Variants in RAB4A observed in about 807,000 individuals in gnomAD.
RAB4A encodes RAB4A, member RAS oncogene family, also known as ras-related protein Rab-4A.
In RAB4A, 20 loss-of-function variants were observed where a neutral mutation model predicts 34.5. The ratio of observed to expected loss-of-function variants is 0.58; its 90% CI spans 0.41 to 0.84. The LOEUF is 0.84. Ranked by LOEUF, RAB4A falls within the 40% of genes least tolerant of loss-of-function variation. The probability of loss-of-function intolerance (pLI) is 0.00; values close to 1 mark genes in which losing one functional copy is unlikely to be tolerated. For missense variants in RAB4A, 228 were observed against 274.5 expected, an observed-to-expected ratio of 0.83 and a Z score of 1.20; for synonymous variants, 102 against 100.0, an observed-to-expected ratio of 1.02 and a Z score of -0.12.
At chr1:229,291,546 T>G (rs573098817) in intron 3 of RAB4A, among the ~76,000 whole-genome samples, 55 of 152,272 alleles carry the variant, frequency 3.6e-4, no homozygotes, top group African/African-American at 1.3e-3. Flanking sequence ...TCCTAAACCT[T>G]TTGTAGAAAT....
At position 229,271,115 on chromosome 1, in the gene RAB4A, T is replaced by A. The variant is rs930992642; in HGVS notation, c.-225T>A. On this transcript the variant is annotated 5_prime_UTR_variant, in exon 1 of 8. Coordinates refer to ENST00000366690, the MANE Select transcript of RAB4A (RefSeq NM_004578.4). ...GGGCCTCGCGTAGCCCATCTCCTCT[T>A]CCTCCTCGCGGTCGCGGCCGGACGG... The A allele has an allele frequency of 2.0e-5, 7 of 356,272 alleles. No homozygotes were observed. The highest frequency in any genetic ancestry group is 3.5e-5 in the Non-Finnish European group (7 of 202,394). The allele number at this position is 356,272 out of a possible 1,614,324, so 22.1% of individuals were successfully genotyped here. A position where few individuals can be genotyped will look rare whatever the true frequency, so the allele number is the denominator to read the frequency against.
chr1:229,285,045 C>T (rs1656886843), intron 1 of RAB4A, among the ~76,000 whole-genome samples: 1 of 152,198 alleles, frequency 6.6e-6, no homozygotes, highest in African/African-American at 2.4e-5. Flanking sequence ...TGCTCTGTCA[C>T]CCAAGCTGGG....
intron 6 of RAB4A, among the ~76,000 whole-genome samples, chr1:229,300,037 C>T (rs912495455): frequency 5.3e-5 from 8 of 152,166 alleles, no homozygotes; most frequent in Admixed American, 1.3e-4. Context: ...CAGTCCTCAT[C>T]AAGGATCTAG....
Position 229,303,928 on chromosome 1 carries a change from G to A in RAB4A, c.*135G>A, listed in dbSNP as rs1657482913. ...CTTTATGGGGAAAAGAGAATTTGGG[G>A]TGTTCTGCAAGCCAGTCAAAGTGGC... On this transcript the variant is annotated 3_prime_UTR_variant, in exon 8 of 8. Transcript: ENST00000366690. The A allele has an allele frequency of 6.6e-6, 1 of 152,172 alleles. No individual in the cohort carries two copies. 9.4% of individuals were successfully genotyped at this position (152,172 alleles called of 1,614,324 possible).
In RAB4A at chr1:229,271,236, C is replaced by T. The variant is rs1656458636; in HGVS notation, c.-104C>T. 8.6e-7 allele frequency: 1 copy of T among 1,166,898 alleles called. No homozygotes were observed. Among genetic ancestry groups the T allele is most frequent in the Non-Finnish European group, 1.1e-6 (1 of 921,206 alleles). The allele number at this position is 1,166,898 out of a possible 1,614,324, so 72.3% of individuals were successfully genotyped here. ...TGCCGTGGGGACCGGTCGGGCCCCT[C>T]CCTCCTCCGGTCCCCCGCCCCAGGT... On this transcript the variant is annotated 5_prime_UTR_variant, in exon 1 of 8. Transcript: ENST00000366690.
Position 229,299,024 on chromosome 1 carries a change from G to A in RAB4A, c.493G>A (p.Glu165Lys), listed in dbSNP as rs1657313661. The change falls in exon 6 of 8, where the codon GAG becomes AAG. Residue 165 changes from glutamate to lysine, a missense_variant. Physicochemically the swap from Glu to Lys is moderately conservative, Grantham distance 56 (BLOSUM62 1). Coordinates refer to ENST00000366690, the MANE Select transcript of RAB4A (RefSeq NM_004578.4). ...TSALTGENVE[E>K]AFVQCARKIL... ...TGCGCTCACAGGGGAGAATGTAGAA[G>A]AGGCTTTTGTACAGTGTGCAAGAAA... The A allele has an allele frequency of 1.2e-6, 2 of 1,611,154 alleles. No homozygotes were observed. Among genetic ancestry groups the A allele is most frequent in the Non-Finnish European group, 1.7e-6 (2 of 1,179,424 alleles).
intron 1 of RAB4A, among the ~76,000 whole-genome samples, chr1:229,276,021 A>C (rs1656634844): frequency 6.6e-6 from 1 of 151,416 alleles, no homozygotes; most frequent in Non-Finnish European, 1.5e-5. Flanking sequence ...TAATTTCATG[A>C]AAGATGGAAC....
chr1:229,273,296 T>G (rs747337801), intron 1 of RAB4A, among the ~76,000 whole-genome samples: 1 of 152,272 alleles, frequency 6.6e-6, no homozygotes, highest in Non-Finnish European at 1.5e-5. Flanking sequence ...ACTTTTGAGC[T>G]TCACAGATTG....
At chr1:229,275,993 C>G (rs967915083) in intron 1 of RAB4A, among the ~76,000 whole-genome samples, 2 of 151,258 alleles carry the variant, frequency 1.3e-5, no homozygotes. Context: ...GGGAAATCAC[C>G]CCAATTGCCC....
intron 2 of RAB4A, 34 bp downstream of exon 2, chr1:229,286,600 A>G (rs771890651): frequency 8.2e-6 from 11 of 1,339,496 alleles, no homozygotes; most frequent in African/African-American, 1.5e-5. Context: ...TCTTCCGTGC[A>G]TGTCTTCTGA....
Position 229,288,714 on chromosome 1 carries a change from GT to G in RAB4A, c.113-10del. The stretch of plus-strand genomic sequence containing the variant: ...TTCTAAAATTAAATATGCTGTTCTT[GT>G]TTTTCTTTTTTAGTCAAAGATGACT... On this transcript the variant is annotated splice_polypyrimidine_tract_variant and intron_variant, in intron 2 of 7. Coordinates refer to ENST00000366690, the MANE Select transcript of RAB4A (RefSeq NM_004578.4). The G allele has an allele frequency of 7.5e-7, 1 of 1,326,982 alleles. No individual in the cohort carries two copies. The highest frequency in any genetic ancestry group is 1.1e-6 in the Non-Finnish European group (1 of 935,606). The allele number at this position is 1,326,982 out of a possible 1,614,324, so 82.2% of individuals were successfully genotyped here. A position where few individuals can be genotyped will look rare whatever the true frequency, so the allele number is the denominator to read the frequency against.
rs1191168209 is a variant in RAB4A at position 229,302,284 on chromosome 1, TATATATATATATATATATATATA to T, written c.542-577_542-555del. Among the ~76,000 whole-genome samples the T allele has an allele frequency of 8.3e-3, 174 of 20,904 alleles. 11 individuals are homozygous for T. Among genetic ancestry groups the T allele is most frequent in the African/African-American group, 0.024 (107 of 4,466 alleles). 13.7% of individuals were successfully genotyped at this position (20,904 alleles called of 152,430 possible). A position where few individuals can be genotyped will look rare whatever the true frequency, so the allele number is the denominator to read the frequency against. The stretch of plus-strand genomic sequence containing the variant: ...ATATATATATATATATATATATATA[TATATATATATATATATATATATA>T]TATTTTTTTTTTTTTTTTACATGTG... On this transcript the variant is annotated intron_variant, in intron 6 of 7. Transcript: ENST00000366690.
intron 4 of RAB4A, among the ~76,000 whole-genome samples, chr1:229,296,840 A>G (rs1006746222): frequency 5.9e-5 from 9 of 152,238 alleles, no homozygotes; most frequent in East Asian, 5.8e-4. Context: ...GTGTGAAGTC[A>G]TCAATCAGGC....
At chr1:229,288,589 T>C in intron 2 of RAB4A, 140 bp from the exon 3 acceptor site, 1 of 559,622 alleles carries the variant, frequency 1.8e-6, no homozygotes, top group Non-Finnish European at 3.2e-6. Context: ...ATCTTCTCAA[T>C]GGAATGTTGG....
chr1:229,305,526 C>CTTTGT lies in RAB4A; in HGVS notation c.*1737_*1738insTTTTG, dbSNP rs1657528406. The CTTTGT allele has an allele frequency of 8.0e-6, 3 of 375,700 alleles. No individual in the cohort carries two copies. The highest frequency in any genetic ancestry group is 4.9e-5 in the Admixed American group (1 of 20,562). The allele number at this position is 375,700 out of a possible 1,614,324, so 23.3% of individuals were successfully genotyped here. ...CAAACCATGGTGGTTCTTAATCAGG[C>CTTTGT]TTTGCCTTTAGGGAGAATGAGGAGG... On this transcript the variant is annotated 3_prime_UTR_variant, in exon 8 of 8. Coordinates refer to ENST00000366690, the MANE Select transcript of RAB4A (RefSeq NM_004578.4).
intron 1 of RAB4A, among the ~76,000 whole-genome samples, chr1:229,283,884 G>A (rs1006337719): frequency 1.4e-5 from 2 of 147,920 alleles, no homozygotes; most frequent in Admixed American, 6.7e-5. Context: ...TCACTACCAC[G>A]CCTGGCTAAT....
rs1657309834 is a variant in RAB4A at position 229,298,910 on chromosome 1, G to T, written c.446-67G>T. 10 of 1,157,098 alleles carry T rather than the reference G, an allele frequency of 8.6e-6. No homozygotes were observed. In the South Asian group the frequency reaches 1.3e-4, roughly 15 times the overall value. 71.7% of individuals were successfully genotyped at this position (1,157,098 alleles called of 1,614,324 possible). A position where few individuals can be genotyped will look rare whatever the true frequency, so the allele number is the denominator to read the frequency against. ...GCTTTTCTAAGAGAATGCTACACAG[G>T]CTTTTGTAAGTGAAAATTATGATCA... On this transcript the variant is annotated intron_variant, in intron 5 of 7. Transcript: ENST00000366690.
At chr1:229,278,606 T>A (rs1656707025) in intron 1 of RAB4A, among the ~76,000 whole-genome samples, 1 of 152,202 alleles carries the variant, frequency 6.6e-6, no homozygotes, top group South Asian at 2.1e-4. Flanking sequence ...GCCTTCTACT[T>A]TGGACCCCAT....
At chr1:229,283,730 T>C in intron 1 of RAB4A, among the ~76,000 whole-genome samples, 1 of 131,172 alleles carries the variant, frequency 7.6e-6, no homozygotes, top group South Asian at 2.2e-4. Context: ...TTTCAGAGTC[T>C]TTTTTTTTTT....
Sources: gnomAD v4.1 joint callset for allele counts (sites outside exome capture counted in the v4.1 genomes callset) on GRCh38, gnomAD v4.1.1 for gene constraint, MANE v1.5 for transcripts, NCBI Gene and HGNC (gene_info 2026-07-23, HGNC 2026-07-21) for gene names.